The following ZBTB38 variants were observed in gnomAD, a reference collection of about 807,000 sequenced individuals.
ZBTB38 encodes zinc finger and BTB domain containing 38.
ZBTB38 carries 20 observed loss-of-function variants against 76.8 expected under a neutral mutation model. The ratio of observed to expected loss-of-function variants is 0.26; its 90% CI spans 0.18 to 0.38. The LOEUF (loss-of-function observed/expected upper bound fraction) is 0.38, where lower values mean the gene tolerates loss of function less well. Ranked by LOEUF, ZBTB38 falls within the 10% of genes least tolerant of loss-of-function variation. The pLI is 1.00. For synonymous variants in ZBTB38, 504 were observed against 544.2 expected, an observed-to-expected ratio of 0.93 and a Z score of 1.03; for missense variants, 1,082 against 1,482.3, an observed-to-expected ratio of 0.73 and a Z score of 4.43.
intron 1 of ZBTB38, among the ~76,000 whole-genome samples, chr3:141,345,494 CT>C (rs1403052267): frequency 4.6e-5 from 7 of 152,122 alleles, no homozygotes; most frequent in Non-Finnish European, 1.0e-4. Context: ...CTCTCCTAGA[CT>C]TTTCTTTTCT....
chr3:141,356,991 T>C (rs1422387634), intron 1 of ZBTB38, among the ~76,000 whole-genome samples: 1 of 152,216 alleles, frequency 6.6e-6, no homozygotes, highest in Non-Finnish European at 1.5e-5. Context: ...ATTGCTGTCT[T>C]CAAAATTATG....
upstream of ZBTB38, among the ~76,000 whole-genome samples, chr3:141,363,632 T>C (rs1943878321): frequency 1.3e-5 from 2 of 152,148 alleles, no homozygotes; most frequent in Admixed American, 6.5e-5. Context: ...GCCAAGACAA[T>C]TCAATAGAGG....
chr3:141,442,359 T>A lies in ZBTB38; in HGVS notation c.1-30T>A. On this transcript the variant is annotated intron_variant, in intron 5 of 5. Transcript: ENST00000321464. This position sits in a 1 kb window ranked among gnomAD's most constrained non-coding sequence, Gnocchi z 6.4. ...GATAAAGAAGCCACCTGTGGAAGAT[T>A]ATCTGACCATTTCTCTCCTCTTGTT... The A allele has an allele frequency of 6.5e-7, 1 of 1,535,542 alleles. No homozygotes were observed. Among genetic ancestry groups the A allele is most frequent in the Non-Finnish European group, 8.9e-7 (1 of 1,123,006 alleles).
At chr3:141,339,783 G>A (rs1309639545) in intron 1 of ZBTB38, among the ~76,000 whole-genome samples, 1 of 152,128 alleles carries the variant, frequency 6.6e-6, no homozygotes, top group Non-Finnish European at 1.5e-5. Flanking sequence ...CAATTGTGAG[G>A]CCTGTTAGAC....
chr3:141,443,719 T>G lies in ZBTB38; in HGVS notation c.1331T>G (p.Leu444Trp). 6.2e-7 allele frequency: 1 copy of G among 1,614,034 alleles called. No homozygotes were observed. Among genetic ancestry groups the G allele is most frequent in the Non-Finnish European group, 8.5e-7 (1 of 1,180,046 alleles). ...GAATTTTCCAGTACCGGAAGTACTT[T>G]GCCAGACACGGACCACATGGTTAAA... ...IGEFSSTGST[L>W]PDTDHMVKFV... Residue 444 changes from leucine to tryptophan, a missense_variant, in exon 6 of 6, where the codon TTG becomes TGG. Physicochemically the swap from Leu to Trp is moderately conservative, Grantham distance 61. Transcript: ENST00000321464. This position sits in a 1 kb window ranked among gnomAD's most constrained non-coding sequence, Gnocchi z 5.6.
chr3:141,354,494 G>A (rs1943606464), intron 1 of ZBTB38, among the ~76,000 whole-genome samples: 1 of 151,944 alleles, frequency 6.6e-6, no homozygotes, highest in African/African-American at 2.4e-5. Context: ...CTCTCTCCCA[G>A]CTGACTGAAA....
rs1160289022 is a variant in ZBTB38 at position 141,371,084 on chromosome 3, C to T, written c.-235+1138C>T. Reference sequence around the variant, plus strand: ...TTTTTTTTTTTTTGAGGCAGAGTCTCACTCTGTTGCCAGGCTGGAGTGCAT... The same window carrying T: ...TTTTTTTTTTTTTGAGGCAGAGTCTTACTCTGTTGCCAGGCTGGAGTGCAT... On this transcript the variant is annotated intron_variant, in intron 2 of 5. Coordinates refer to ENST00000321464, the MANE Select transcript of ZBTB38 (RefSeq NM_001376113.1). Among the ~76,000 whole-genome samples, 5 of 89,416 alleles carry T rather than the reference C, an allele frequency of 5.6e-5. No homozygotes were observed. The East Asian group carries it at 1.4e-3, about 25-fold the overall frequency. 58.7% of individuals were successfully genotyped at this position (89,416 alleles called of 152,430 possible). A position where few individuals can be genotyped will look rare whatever the true frequency, so the allele number is the denominator to read the frequency against.
chr3:141,445,281 G>C lies in ZBTB38; in HGVS notation c.2893G>C (p.Ala965Pro), dbSNP rs181837053. ...PAELDCAVGK[A>P]PQDKPFEEEE... ...AGAACTGGATTGCGCCGTGGGGAAGGCTCCTCAGGATAAACCCTTTGAGGA... is the reference window on the plus strand; with the variant it reads ...AGAACTGGATTGCGCCGTGGGGAAGCCTCCTCAGGATAAACCCTTTGAGGA... The change falls in exon 6 of 6, where the codon GCT becomes CCT. Residue 965 changes from alanine (A) to proline (P), a missense_variant. Ala to Pro is a conservative substitution (Grantham distance 27). Around this residue, in one of 8 missense-constraint regions of ZBTB38, gnomAD observed 471 missense variants for 581.0 expected, o/e 0.81. Coordinates refer to ENST00000321464, the MANE Select transcript of ZBTB38 (RefSeq NM_001376113.1). The surrounding 1 kb of genome is among the most constrained non-coding windows in gnomAD (Gnocchi z 6.5). 1,201 of 1,614,232 alleles carry C rather than the reference G, an allele frequency of 7.4e-4. 1 individual carries two copies. Among genetic ancestry groups the C allele is most frequent in the Non-Finnish European group, 9.3e-4 (1,099 of 1,180,044 alleles).
chr3:141,382,220 G>A (rs1946303336), intron 3 of ZBTB38, among the ~76,000 whole-genome samples: 2 of 152,178 alleles, frequency 1.3e-5, no homozygotes, highest in Admixed American at 6.5e-5. Context: ...TCTGTCTCAA[G>A]AGAACCCAAA....
At chr3:141,405,531 CTG>C (rs1322969087) in intron 5 of ZBTB38, among the ~76,000 whole-genome samples, 2 of 152,164 alleles carry the variant, frequency 1.3e-5, no homozygotes, top group Admixed American at 6.5e-5. Context: ...CCACAGAAGA[CTG>C]TGGGTATTCA....
intron 5 of ZBTB38, among the ~76,000 whole-genome samples, chr3:141,429,353 G>A (rs1268425342): frequency 6.6e-6 from 1 of 152,058 alleles, no homozygotes; most frequent in Non-Finnish European, 1.5e-5. Context: ...GGGGATGGCG[G>A]CAGGTTGCCT....
At chr3:141,426,084 T>G in intron 5 of ZBTB38, 1 of 1,225,414 alleles carries the variant, frequency 8.2e-7, no homozygotes, top group Non-Finnish European at 1.1e-6. Context: ...ATTGTTGCAT[T>G]TGTTTGGAGT....
intron 5 of ZBTB38, among the ~76,000 whole-genome samples, chr3:141,441,665 G>T (rs1433446195): frequency 6.6e-6 from 1 of 152,180 alleles, no homozygotes; most frequent in Non-Finnish European, 1.5e-5. Flanking sequence ...TCTTCTCTGA[G>T]TGGGCAATAG....
chr3:141,438,234 T>A (rs1290981687), intron 5 of ZBTB38: 1 of 151,288 alleles, frequency 6.6e-6, no homozygotes, highest in Non-Finnish European at 1.5e-5. Context: ...TCTTTTTTCT[T>A]CTTTTGAGAC....
upstream of ZBTB38, chr3:141,366,823 A>C (rs1456463348): frequency 1.3e-5 from 2 of 152,168 alleles, no homozygotes; most frequent in African/African-American, 4.8e-5. Context: ...ACTCTAAGAG[A>C]ATCATGGAAA....
At chr3:141,432,980 A>G (rs184771525) in intron 5 of ZBTB38, among the ~76,000 whole-genome samples, 101 of 152,278 alleles carry the variant, frequency 6.6e-4, no homozygotes, top group Non-Finnish European at 1.1e-3. Context: ...TCAAAGAACA[A>G]TTTTCACCTG....
In ZBTB38 at chr3:141,449,036, C is replaced by T. The variant is rs2081306447; in HGVS notation, c.*3060C>T. On this transcript the variant is annotated 3_prime_UTR_variant, in exon 6 of 6. Coordinates refer to ENST00000321464, the MANE Select transcript of ZBTB38 (RefSeq NM_001376113.1). Reference sequence around the variant, plus strand: ...CATTTATTGAGTACCAGGCACTGGGCAATGTCTTTACATAGGCTATTTCAT... The same window carrying T: ...CATTTATTGAGTACCAGGCACTGGGTAATGTCTTTACATAGGCTATTTCAT... The T allele has an allele frequency of 6.6e-6, 1 of 152,210 alleles. No homozygotes were observed. The highest frequency in any genetic ancestry group is 2.4e-5 in the African/African-American group (1 of 41,456). The allele number at this position is 152,210 out of a possible 1,614,324, so 9.4% of individuals were successfully genotyped here. A position where few individuals can be genotyped will look rare whatever the true frequency, so the allele number is the denominator to read the frequency against.
At chr3:141,351,653 A>G (rs1347126820) in intron 1 of ZBTB38, among the ~76,000 whole-genome samples, 1 of 147,484 alleles carries the variant, frequency 6.8e-6, no homozygotes, top group Non-Finnish European at 1.5e-5. Flanking sequence ...GGATTACTTG[A>G]GCCTGGGAGT....
At chr3:141,371,164 T>TGCCTCA (rs1394525529) in intron 2 of ZBTB38, among the ~76,000 whole-genome samples, 7 of 147,078 alleles carry the variant, frequency 4.8e-5, no homozygotes, top group African/African-American at 1.8e-4. Context: ...GTGATTCTAC[T>TGCCTCA]GCCTCAGCCT....
Sources: gnomAD v4.1 joint callset for allele counts (sites outside exome capture counted in the v4.1 genomes callset) on GRCh38, gnomAD v4.1.1 for gene constraint, gnomAD v4.1.1 regional missense constraint, Gnocchi (gnomAD v3.1) non-coding constraint, MANE v1.5 for transcripts, NCBI Gene and HGNC (gene_info 2026-07-23, HGNC 2026-07-21) for gene names.